The following SLMAP variants were observed in gnomAD, a reference collection of about 807,000 sequenced individuals.
SLMAP encodes sarcolemma associated protein.
A neutral mutation model predicts 128.8 loss-of-function variants in SLMAP; 44 were observed. That is an observed-to-expected ratio of 0.34 (90% CI 0.27 to 0.44). The LOEUF (loss-of-function observed/expected upper bound fraction) is 0.44, where lower values mean the gene tolerates loss of function less well. Among genes scored for constraint, SLMAP ranks in the 20% least tolerant of loss-of-function variants. SLMAP has a pLI of 1.00. For synonymous variants in SLMAP, 327 were observed against 348.8 expected, an observed-to-expected ratio of 0.94 and a Z score of 0.70; for missense variants, 787 against 985.3, an observed-to-expected ratio of 0.80 and a Z score of 2.69.
chr3:57,864,751 T>A, intron 11 of SLMAP, 35 bp downstream of exon 11: 1 of 1,566,628 alleles, frequency 6.4e-7, no homozygotes, highest in Non-Finnish European at 8.6e-7. Flanking sequence ...TTTTATTTTA[T>A]TTTTTTTCTT....
At chr3:57,832,208 G>A (rs2093382434) in intron 3 of SLMAP, among the ~76,000 whole-genome samples, 1 of 152,192 alleles carries the variant, frequency 6.6e-6, no homozygotes, top group Non-Finnish European at 1.5e-5. Context: ...TTAATCTCGT[G>A]AAAGGGAGCA....
At chr3:57,792,672 T>C (rs2085749767) in intron 2 of SLMAP, among the ~76,000 whole-genome samples, 1 of 152,152 alleles carries the variant, frequency 6.6e-6, no homozygotes, top group African/African-American at 2.4e-5. Flanking sequence ...GTTAACTCTT[T>C]AGAAATGTAT....
rs147451986 is a variant in SLMAP, at chr3:57,905,247, C to T, written c.1502-2637C>T. The stretch of plus-strand genomic sequence containing the variant: ...ATTTCTCTATATCTCCAAATCTATT[C>T]GAGTTCATACCCTACACCAGAGGAT... On this transcript the variant is annotated intron_variant, in intron 17 of 24. Transcript: ENST00000671191. Among the ~76,000 whole-genome samples the T allele has an allele frequency of 4.9e-4, 74 of 152,136 alleles. 1 individual carries two copies. Among genetic ancestry groups the T allele is most frequent in the African/African-American group, 1.7e-3 (72 of 41,506 alleles).
intron 2 of SLMAP, among the ~76,000 whole-genome samples, chr3:57,821,993 T>C (rs1334862704): frequency 1.3e-5 from 2 of 152,078 alleles, no homozygotes; most frequent in Non-Finnish European, 2.9e-5. Context: ...AAATGCTTCC[T>C]TAGCAACTGA....
chr3:57,802,159 C>G (rs978511988), intron 2 of SLMAP, among the ~76,000 whole-genome samples: 3 of 152,046 alleles, frequency 2.0e-5, no homozygotes, highest in Non-Finnish European at 2.9e-5. Context: ...AGTTACGCAA[C>G]GATCACTGTA....
chr3:57,880,415 C>T (rs943924585), intron 14 of SLMAP, among the ~76,000 whole-genome samples: 1 of 152,032 alleles, frequency 6.6e-6, no homozygotes, highest in African/African-American at 2.4e-5. Context: ...TTTGGCCGGG[C>T]TGGTCTCGAA....
chr3:57,843,472 AT>A (rs1334031379), intron 4 of SLMAP, among the ~76,000 whole-genome samples: 1 of 151,468 alleles, frequency 6.6e-6, no homozygotes, highest in East Asian at 1.9e-4. Flanking sequence ...CGCCCAGCTA[AT>A]TTTTTGTACT....
chr3:57,920,125 A>G (rs985823645), intron 22 of SLMAP, among the ~76,000 whole-genome samples: 3 of 152,260 alleles, frequency 2.0e-5, no homozygotes, highest in African/African-American at 7.2e-5. Flanking sequence ...ATCATGGGTC[A>G]TTGAGAATTT....
At chr3:57,792,477 A>C (rs2085698279) in intron 2 of SLMAP, among the ~76,000 whole-genome samples, 2 of 151,898 alleles carry the variant, frequency 1.3e-5, no homozygotes, top group Admixed American at 6.6e-5. Flanking sequence ...TTTAATTAGT[A>C]TTGAATAGGT....
intron 14 of SLMAP, among the ~76,000 whole-genome samples, chr3:57,879,580 A>G (rs192565982): frequency 6.6e-6 from 1 of 152,318 alleles, no homozygotes; most frequent in African/African-American, 2.4e-5. Flanking sequence ...AACTACTAAA[A>G]TCATATTATT....
At chr3:57,926,814 T>C (rs544446497) in intron 24 of SLMAP, among the ~76,000 whole-genome samples, 1 of 152,352 alleles carries the variant, frequency 6.6e-6, no homozygotes. Context: ...TTCTGTGGTT[T>C]CAAGTTGGAC....
chr3:57,757,540 T>G lies in SLMAP; in HGVS notation c.-112T>G. On this transcript the variant is annotated 5_prime_UTR_variant, in exon 2 of 25. Coordinates refer to ENST00000671191, the MANE Select transcript of SLMAP (RefSeq NM_001377540.1). ...TTATGCTTAGACAATGTGCAGTTTG[T>G]GTTAATTTAAAATTTTGGGTGGGAT... 5 of 884,246 alleles carry G rather than the reference T, an allele frequency of 5.7e-6. No homozygotes were observed. Among genetic ancestry groups the G allele is most frequent in the Non-Finnish European group, 9.0e-6 (5 of 554,342 alleles). 54.8% of individuals were successfully genotyped at this position (884,246 alleles called of 1,614,324 possible).
chr3:57,868,362 G>T (rs1477652766), intron 13 of SLMAP, among the ~76,000 whole-genome samples: 1 of 151,936 alleles, frequency 6.6e-6, no homozygotes, highest in Non-Finnish European at 1.5e-5. Context: ...AGGATTGTTT[G>T]AGCCCAGAAG....
intron 2 of SLMAP, among the ~76,000 whole-genome samples, chr3:57,770,364 A>C (rs1576205261): frequency 6.6e-6 from 1 of 152,332 alleles, no homozygotes; most frequent in East Asian, 1.9e-4. Flanking sequence ...CACTGTTTGA[A>C]GAGTGAGTAG....
At chr3:57,784,468 A>G (rs371882078) in intron 2 of SLMAP, among the ~76,000 whole-genome samples, 30 of 152,024 alleles carry the variant, frequency 2.0e-4, no homozygotes, top group African/African-American at 6.8e-4. Flanking sequence ...CCTCATCCCT[A>G]TTGGAATGAG....
chr3:57,923,019 A>G lies in SLMAP; in HGVS notation c.2441A>G (p.Asn814Ser), dbSNP rs756746300. 3 of 1,613,570 alleles carry G rather than the reference A, an allele frequency of 1.9e-6. No homozygotes were observed. The highest frequency in any genetic ancestry group is 2.2e-5 in the East Asian group (1 of 44,864). ...NNLKLLREKG[N>S]NPSILQPVPA... The stretch of plus-strand genomic sequence containing the variant: ...CTGAAGCTGCTCCGAGAGAAAGGAA[A>G]TAATGTAAGTCTTTGCAAACTTGGC... The change falls in exon 23 of 25, where the codon AAT becomes AGT. Residue 814 changes from asparagine to serine, a missense_variant. By Grantham distance (46) the Asn-to-Ser change is conservative. This residue lies in a region of SLMAP where 715 missense variants were observed against 843.6 expected (regional missense o/e 0.85). Coordinates refer to ENST00000671191, the MANE Select transcript of SLMAP (RefSeq NM_001377540.1).
chr3:57,804,144 C>T (rs1328489396), intron 2 of SLMAP, among the ~76,000 whole-genome samples: 3 of 152,202 alleles, frequency 2.0e-5, no homozygotes, highest in Non-Finnish European at 4.4e-5. Flanking sequence ...CAGAAATTGA[C>T]TCTTGCTCTA....
chr3:57,819,552 T>A (rs1057165023), intron 2 of SLMAP, among the ~76,000 whole-genome samples: 8 of 152,178 alleles, frequency 5.3e-5, no homozygotes, highest in African/African-American at 1.7e-4. Context: ...GAAATTTTTT[T>A]CTTTTAGTTT....
intron 2 of SLMAP, among the ~76,000 whole-genome samples, chr3:57,791,502 C>G (rs1229586487): frequency 6.6e-6 from 1 of 152,048 alleles, no homozygotes; most frequent in Non-Finnish European, 1.5e-5. Flanking sequence ...GTAAATATGG[C>G]TCTGCTACTA....
Sources: gnomAD v4.1 joint callset for allele counts (sites outside exome capture counted in the v4.1 genomes callset) on GRCh38, gnomAD v4.1.1 for gene constraint, gnomAD v4.1.1 regional missense constraint, MANE v1.5 for transcripts, NCBI Gene and HGNC (gene_info 2026-07-23, HGNC 2026-07-21) for gene names.